The following ZC3H12B variants were observed in gnomAD, a reference collection of about 807,000 sequenced individuals.
ZC3H12B encodes probable ribonuclease ZC3H12B.
In ZC3H12B, 7 loss-of-function variants were observed where a neutral mutation model predicts 43.9. The ratio of observed to expected loss-of-function variants is 0.16; its 90% CI spans 0.09 to 0.30. The LOEUF (loss-of-function observed/expected upper bound fraction) is 0.30, where lower values mean the gene tolerates loss of function less well. ZC3H12B is among the 10% of genes least tolerant of loss of function. The pLI is 1.00. For synonymous variants in ZC3H12B, 222 were observed against 241.7 expected (o/e 0.92, Z 0.76); for missense variants, 475 against 670.2 (o/e 0.71, Z 3.22).
chrX:65,209,460 T>C, the ZC3H12B span, among the ~76,000 whole-genome samples: 1 of 90,599 alleles, frequency 1.1e-5, no homozygotes, highest in East Asian at 3.7e-4. Flanking sequence ...CAGGAGCAGG[T>C]TGTTCAGTTT....
the ZC3H12B span, among the ~76,000 whole-genome samples, chrX:65,355,181 TGAA>T: frequency 9.0e-6 from 1 of 110,866 alleles, no homozygotes; most frequent in Non-Finnish European, 1.9e-5. Flanking sequence ...AAGGTTGAAA[TGAA>T]GAAAAAAATG....
the ZC3H12B span, among the ~76,000 whole-genome samples, chrX:65,050,777 T>G: frequency 8.9e-6 from 1 of 111,869 alleles, no homozygotes; most frequent in South Asian, 3.7e-4. Context: ...AAATCTCACT[T>G]GGCCATGATT....
At chrX:65,115,619 G>C in the ZC3H12B span, among the ~76,000 whole-genome samples, 4 of 111,323 alleles carry the variant, frequency 3.6e-5, no homozygotes, top group Non-Finnish European at 7.6e-5. Flanking sequence ...TAGTACTTTA[G>C]GGAATCTCCC....
the ZC3H12B span, among the ~76,000 whole-genome samples, chrX:65,050,316 T>C: frequency 9.0e-6 from 1 of 111,359 alleles, no homozygotes; most frequent in African/African-American, 3.2e-5. Context: ...GTCTTTAGGA[T>C]TTTTTATATA....
the ZC3H12B span, among the ~76,000 whole-genome samples, chrX:65,283,045 A>G: frequency 8.9e-6 from 1 of 111,826 alleles, no homozygotes; most frequent in Admixed American, 9.5e-5. Context: ...GACCAATATC[A>G]CTGATGAACA....
At chrX:65,395,231 C>T (rs2066680733) in intron 2 of ZC3H12B, among the ~76,000 whole-genome samples, 1 of 111,942 alleles carries the variant, frequency 8.9e-6, no homozygotes. Flanking sequence ...CTGGCCAGAA[C>T]TTCCAATACT....
chrX:65,426,576 G>A (rs1249645413), intron 3 of ZC3H12B, among the ~76,000 whole-genome samples: 1 of 110,363 alleles, frequency 9.1e-6, no homozygotes, highest in Admixed American at 9.7e-5. Context: ...TTGTTAACGA[G>A]ATCTTTCTAG....
At chrX:65,280,402 A>T in the ZC3H12B span, among the ~76,000 whole-genome samples, 1 of 112,210 alleles carries the variant, frequency 8.9e-6, no homozygotes, top group African/African-American at 3.2e-5. Flanking sequence ...AAATAACATG[A>T]TGAAGATTAT....
chrX:65,323,529 T>A, the ZC3H12B span, among the ~76,000 whole-genome samples: 1 of 112,611 alleles, frequency 8.9e-6, no homozygotes, highest in East Asian at 2.8e-4. Flanking sequence ...TAACTCATTC[T>A]TTTTCATGGC....
the ZC3H12B span, among the ~76,000 whole-genome samples, chrX:65,168,535 C>G: frequency 9.1e-6 from 1 of 109,690 alleles, no homozygotes; most frequent in African/African-American, 3.3e-5. Context: ...GCTTTGGTAT[C>G]AGGATGATGT....
the ZC3H12B span, among the ~76,000 whole-genome samples, chrX:65,112,122 G>C: frequency 8.9e-6 from 1 of 112,157 alleles, no homozygotes; most frequent in Non-Finnish European, 1.9e-5. Context: ...TGTCTTATTG[G>C]TGGTAGGAAG....
At chrX:65,317,817 A>ATATATATACACACTG in the ZC3H12B span, among the ~76,000 whole-genome samples, 1 of 102,654 alleles carries the variant, frequency 9.7e-6, no homozygotes, top group African/African-American at 3.5e-5. Flanking sequence ...CACACACTAT[A>ATATATATACACACTG]TATATATACA....
At chrX:65,226,525 A>G in the ZC3H12B span, among the ~76,000 whole-genome samples, 1 of 111,701 alleles carries the variant, frequency 9.0e-6, no homozygotes, top group Non-Finnish European at 1.9e-5. Flanking sequence ...AAATTCACAC[A>G]TAACAATATT....
At chrX:65,162,557 A>G in the ZC3H12B span, among the ~76,000 whole-genome samples, 1 of 111,732 alleles carries the variant, frequency 8.9e-6, no homozygotes, top group Admixed American at 9.6e-5. Context: ...AGTTGATCAC[A>G]TCGGCTCCTG....
At chrX:65,388,257 C>T (rs1298149677) in intron 2 of ZC3H12B, among the ~76,000 whole-genome samples, 1 of 112,208 alleles carries the variant, frequency 8.9e-6, no homozygotes, top group Non-Finnish European at 1.9e-5. Context: ...GTTCCATTCT[C>T]CCCGTGACTT....
the ZC3H12B span, among the ~76,000 whole-genome samples, chrX:65,354,740 A>G: frequency 8.9e-6 from 1 of 112,282 alleles, no homozygotes; most frequent in Non-Finnish European, 1.9e-5. Flanking sequence ...ATTGCTAACT[A>G]GAATAACCAG....
chrX:65,425,734 T>A (rs2067073602), intron 3 of ZC3H12B, among the ~76,000 whole-genome samples: 1 of 111,966 alleles, frequency 8.9e-6, no homozygotes, highest in African/African-American at 3.2e-5. Context: ...AGTTTTTGAC[T>A]TTAGTTGTGT....
intron 3 of ZC3H12B, among the ~76,000 whole-genome samples, chrX:65,449,118 C>T (rs1198053144): frequency 9.1e-6 from 1 of 109,814 alleles, no homozygotes; most frequent in African/African-American, 3.3e-5. Context: ...GTTATGGACA[C>T]ATGGTGGGGA....
the ZC3H12B span, among the ~76,000 whole-genome samples, chrX:65,220,785 C>A: frequency 9.0e-6 from 1 of 111,587 alleles, no homozygotes; most frequent in East Asian, 2.8e-4. Flanking sequence ...TAGCAGTAGA[C>A]AGGTTATCAA....
Sources: gnomAD v4.1 joint callset for allele counts (sites outside exome capture counted in the v4.1 genomes callset) on GRCh38, gnomAD v4.1.1 for gene constraint, MANE v1.5 for transcripts, NCBI Gene and HGNC (gene_info 2026-07-23, HGNC 2026-07-21) for gene names.